The following DPH1 variants were observed in gnomAD, a reference collection of about 807,000 sequenced individuals.
The protein encoded by DPH1 is 2-(3-amino-3-carboxypropyl)histidine synthase subunit 1.
Under a neutral mutation model 55.3 loss-of-function variants are expected in DPH1, and 59 were observed. The ratio of observed to expected loss-of-function variants is 1.07; its 90% CI spans 0.87 to 1.33. DPH1 has a LOEUF of 1.33. DPH1 is among the 40% of genes most tolerant of loss of function. The pLI, the probability that DPH1 is intolerant of heterozygous loss-of-function variation, is 0.00. For synonymous variants in DPH1, 238 were observed against 235.5 expected (o/e 1.01, Z -0.10); for missense variants, 628 against 584.8 (o/e 1.07, Z -0.76).
chr17:2,038,240 G>A (rs946085401), intron 6 of DPH1, among the ~76,000 whole-genome samples: 1 of 151,478 alleles, frequency 6.6e-6, no homozygotes, highest in Admixed American at 6.6e-5. Flanking sequence ...TGAGAGGATC[G>A]CTTGAGCCTG....
At position 2,040,618 on chromosome 17, in the gene DPH1, C is replaced by G; in HGVS notation, c.1007+13C>G. ...CTGAGGTGGATGTGTGAGTATCTGC[C>G]TGGCTATGACTGGCTAAAGAAGCTT... On this transcript the variant is annotated intron_variant, in intron 9 of 12. Coordinates refer to ENST00000263083, the MANE Select transcript of DPH1 (RefSeq NM_001383.6). 4 of 1,612,564 alleles carry G rather than the reference C, an allele frequency of 2.5e-6. No homozygotes were observed. The highest frequency in any genetic ancestry group is 3.4e-6 in the Non-Finnish European group (4 of 1,178,624).
At chr17:2,039,509 C>T (rs973641587) in intron 6 of DPH1, 2 of 439,852 alleles carry the variant, frequency 4.5e-6, no homozygotes, top group Non-Finnish European at 8.5e-6. Context: ...TCCCGAGTAG[C>T]TGGGACTACA....
Position 2,042,699 on chromosome 17 carries a change from G to A in DPH1, c.*113G>A, listed in dbSNP as rs749792381. 6.5e-7 allele frequency: 1 copy of A among 1,534,564 alleles called. No homozygotes were observed. The highest frequency in any genetic ancestry group is 8.7e-7 in the Non-Finnish European group (1 of 1,143,968). On this transcript the variant is annotated 3_prime_UTR_variant, in exon 13 of 13. Coordinates refer to ENST00000263083, the MANE Select transcript of DPH1 (RefSeq NM_001383.6). ...CATTGGAAGAGCCCGCCGTCTGCAG[G>A]GGCCTGGAGGAATCACTGGGGATGG...
intron 6 of DPH1, chr17:2,039,528 T>C (rs12942051): frequency 0.033 from 15,885 of 476,992 alleles, 448 homozygotes; most frequent in African/African-American, 0.1. Context: ...CAGGCGCCCG[T>C]CACCACACCC....
chr17:2,040,843 G>GC, intron 9 of DPH1: 1 of 626,688 alleles, frequency 1.6e-6, no homozygotes, highest in South Asian at 1.9e-5. Flanking sequence ...GCTGACACCT[G>GC]CCCTGTACCA....
At chr17:2,030,883 T>C (rs2067322113) in intron 1 of DPH1, among the ~76,000 whole-genome samples, 1 of 152,266 alleles carries the variant, frequency 6.6e-6, no homozygotes, top group African/African-American at 2.4e-5. Context: ...CCAAAAACCA[T>C]AGCAGTGGTA....
chr17:2,042,919 T>C lies in DPH1; in HGVS notation c.*333T>C, dbSNP rs774325025. ...CAAGGAATCCATCCTGCAAAGGCCC[T>C]TGTCATTGCCTTCGCTCCATGTTTT... On this transcript the variant is annotated 3_prime_UTR_variant, in exon 13 of 13. Coordinates refer to ENST00000263083, the MANE Select transcript of DPH1 (RefSeq NM_001383.6). 1.2e-6 allele frequency: 2 copies of C among 1,614,180 alleles called. No individual in the cohort carries two copies. Among genetic ancestry groups the C allele is most frequent in the South Asian group, 2.2e-5 (2 of 91,090 alleles).
rs573260759 is a variant in DPH1, at chr17:2,035,976, G to A, written c.285G>A (p.Thr95=). Residue 95 remains threonine, a synonymous_variant, in exon 4 of 13, where the codon ACG becomes ACA. Transcript: ENST00000263083. The part of the protein sequence containing the change: ...CTIVDILERF[T]EAEVMVMGDV... ...CCCGCCCCTGTGCCCGCAGGTTCAC[G>A]GAGGCCGAAGTGATGGTGATGGGTG... 94 of 1,613,868 alleles carry A rather than the reference G, an allele frequency of 5.8e-5. 1 individual carries two copies. The highest frequency in any genetic ancestry group is 6.5e-5 in the Non-Finnish European group (77 of 1,179,912).
At chr17:2,030,717 A>G (rs1375994158) in intron 1 of DPH1, among the ~76,000 whole-genome samples, 1 of 152,206 alleles carries the variant, frequency 6.6e-6, no homozygotes, top group Admixed American at 6.5e-5. Context: ...TAGCCACGTG[A>G]TAAAGGAGGA....
chr17:2,037,381 G>A (rs1417922598), intron 6 of DPH1: 1 of 157,192 alleles, frequency 6.4e-6, no homozygotes, highest in Admixed American at 6.2e-5. Context: ...GCCAGCCTGA[G>A]AGCCGACGGC....
intron 10 of DPH1, 41 bp from the exon 11 acceptor site, chr17:2,041,440 A>C (rs1468693764): frequency 1.9e-6 from 3 of 1,571,452 alleles, no homozygotes; most frequent in East Asian, 2.2e-5. Context: ...GGGGCAGAAA[A>C]ACACTGGCAG....
At chr17:2,041,739 G>A (rs775037203) in intron 11 of DPH1, 29 bp from the exon 12 acceptor site, 2 of 1,592,092 alleles carry the variant, frequency 1.3e-6, no homozygotes, top group East Asian at 2.3e-5. Flanking sequence ...TCGCAGGAGC[G>A]AGACCCTAAC....
In DPH1 at chr17:2,040,564, G is replaced by T. The variant is rs1567547766; in HGVS notation, c.966G>T (p.Glu322Asp). ...CCTTTGTGAGGCTGCTGCTCTCTGA[G>T]ATCTTCCCCAGCAAGCTTAGCCTAC... Reference protein sequence around the residue: ...GLSFVRLLLSEIFPSKLSLLP... With the variant: ...GLSFVRLLLSDIFPSKLSLLP... Residue 322 changes from glutamate to aspartate, a missense_variant, in exon 9 of 13, where the codon GAG becomes GAT. Physicochemically the swap from Glu to Asp is conservative, Grantham distance 45 (BLOSUM62 2). Coordinates refer to ENST00000263083, the MANE Select transcript of DPH1 (RefSeq NM_001383.6). 2 of 1,614,226 alleles carry T rather than the reference G, an allele frequency of 1.2e-6. No individual in the cohort carries two copies. The highest frequency in any genetic ancestry group is 1.7e-6 in the Non-Finnish European group (2 of 1,180,036).
In DPH1 at chr17:2,036,835, G is replaced by GCAGC. The variant is rs1315343081; in HGVS notation, c.561_564dup (p.Ala189SerfsTer65). The stretch of plus-strand genomic sequence containing the variant: ...TTCACTTCCCTCGTCATTCCTACAG[G>GCAGC]CAGCCGCCCAGGAGCTGAAAGCCGA... On this transcript the variant is annotated frameshift_variant and splice_region_variant, in exon 6 of 13. Transcript: ENST00000263083. LOFTEE classifies it high-confidence loss of function. This position sits in a 1 kb window ranked among gnomAD's most constrained non-coding sequence, Gnocchi z 4.8. 9 of 1,613,374 alleles carry GCAGC rather than the reference G, an allele frequency of 5.6e-6. No homozygotes were observed. The highest frequency in any genetic ancestry group is 6.8e-6 in the Non-Finnish European group (8 of 1,179,828).
rs1034018343 is a variant in DPH1, at chr17:2,042,601, G to A, written c.*19-4G>A. 3 of 1,514,300 alleles carry A rather than the reference G, an allele frequency of 2.0e-6. No individual in the cohort carries two copies. The highest frequency in any genetic ancestry group is 2.8e-5 in the African/African-American group (2 of 71,510). 93.8% of individuals were successfully genotyped at this position (1,514,300 alleles called of 1,614,324 possible). ...TCCCATCCTTTTTCCTCATATCGCT[G>A]TAGGGTCCTGCCCTCCGGAGGAGCA... On this transcript the variant is annotated splice_polypyrimidine_tract_variant and splice_region_variant and intron_variant, in intron 12 of 12. Transcript: ENST00000263083.
intron 3 of DPH1, among the ~76,000 whole-genome samples, chr17:2,035,367 G>C (rs1466328839): frequency 1.1e-5 from 1 of 90,386 alleles, no homozygotes; most frequent in East Asian, 2.2e-4. Flanking sequence ...GCTGTGCCTG[G>C]GTCCCCCCAT....
chr17:2,040,550 C>T lies in DPH1; in HGVS notation c.952C>T (p.Leu318=). 2.5e-6 allele frequency: 4 copies of T among 1,614,236 alleles called. No individual in the cohort carries two copies. Among genetic ancestry groups the T allele is most frequent in the Non-Finnish European group, 3.4e-6 (4 of 1,180,042 alleles). Residue 318 remains leucine, a synonymous_variant, in exon 9 of 13, where the codon CTG becomes TTG. Transcript: ENST00000263083. Reference sequence around the variant, plus strand: ...AGCCTTGGGCCTTTCCTTTGTGAGGCTGCTGCTCTCTGAGATCTTCCCCAG... The same window carrying T: ...AGCCTTGGGCCTTTCCTTTGTGAGGTTGCTGCTCTCTGAGATCTTCCCCAG... ...LRALGLSFVR[L]LLSEIFPSKL... is the part of the protein sequence containing the mutation.
chr17:2,038,597 A>G (rs1230366248), intron 6 of DPH1, among the ~76,000 whole-genome samples: 4 of 152,194 alleles, frequency 2.6e-5, no homozygotes, highest in Non-Finnish European at 5.9e-5. Context: ...TGACCTGTAC[A>G]TGCGAGGGAT....
chr17:2,041,065 A>C (rs746607353), intron 9 of DPH1, 38 bp from the exon 10 acceptor site: 6 of 1,570,686 alleles, frequency 3.8e-6, no homozygotes, highest in Admixed American at 1.9e-5. Context: ...GGCGACGAGG[A>C]GGCCCTTCCT....
Sources: gnomAD v4.1 joint callset for allele counts (sites outside exome capture counted in the v4.1 genomes callset) on GRCh38, gnomAD v4.1.1 for gene constraint, Gnocchi (gnomAD v3.1) non-coding constraint, MANE v1.5 for transcripts, NCBI Gene and HGNC (gene_info 2026-07-23, HGNC 2026-07-21) for gene names.